Variants in CSMD1 observed in about 807,000 individuals in gnomAD.
CSMD1 encodes the protein CUB and Sushi multiple domains 1.
In CSMD1, 213 loss-of-function variants were observed where a neutral mutation model predicts 417.5. That is an observed-to-expected ratio of 0.51 (90% CI 0.46 to 0.57). The LOEUF is 0.57. CSMD1 is among the 20% of genes least tolerant of loss of function. CSMD1 has a pLI of 0.00. For synonymous variants in CSMD1, 2,862 were observed against 1,736.8 expected, an observed-to-expected ratio of 1.65 and a Z score of -16.11; for missense variants, 6,923 against 4,529.7, an observed-to-expected ratio of 1.53 and a Z score of -15.17.
chr8:4,255,511 G>A (rs1319129073), intron 3 of CSMD1, among the ~76,000 whole-genome samples: 2 of 152,212 alleles, frequency 1.3e-5, no homozygotes, highest in African/African-American at 4.8e-5. Flanking sequence ...TGCAATAGCA[G>A]TGGATTAACC....
At chr8:4,338,959 G>A (rs973985181) in intron 3 of CSMD1, among the ~76,000 whole-genome samples, 2 of 151,980 alleles carry the variant, frequency 1.3e-5, no homozygotes, top group East Asian at 1.9e-4. Flanking sequence ...CATAGGTCTG[G>A]GCATACAGTC....
At chr8:4,037,679 A>G (rs953846315) in intron 3 of CSMD1, among the ~76,000 whole-genome samples, 3 of 152,162 alleles carry the variant, frequency 2.0e-5, no homozygotes, top group Non-Finnish European at 4.4e-5. Context: ...TTGATTTTAA[A>G]GGGGAAGGTG....
intron 3 of CSMD1, among the ~76,000 whole-genome samples, chr8:4,132,241 A>C (rs1803155528): frequency 6.8e-6 from 1 of 147,198 alleles, no homozygotes; most frequent in South Asian, 2.1e-4. Context: ...CCCCTTTCTA[A>C]CATCTAGCAC....
At chr8:4,586,952 G>A (rs1318416603) in intron 2 of CSMD1, among the ~76,000 whole-genome samples, 1 of 152,182 alleles carries the variant, frequency 6.6e-6, no homozygotes, top group African/African-American at 2.4e-5. Flanking sequence ...AATCTGTACT[G>A]TGTAAGAGAG....
intron 11 of CSMD1, among the ~76,000 whole-genome samples, chr8:3,489,345 T>C (rs1818235735): frequency 6.6e-6 from 1 of 152,190 alleles, no homozygotes; most frequent in Non-Finnish European, 1.5e-5. Flanking sequence ...ATATTGACTA[T>C]TCATTCTCAT....
At position 4,994,585 on chromosome 8, in the gene CSMD1, T is replaced by G; in HGVS notation, c.-169A>C. ...CTGAAGGTCTGGGCGCCCGGCTCGC[T>G]TCCCTCTCATAGCATCGGGTCCCGA... On this transcript the variant is annotated 5_prime_UTR_variant, in exon 1 of 70. Transcript: ENST00000635120. The G allele has an allele frequency of 1.6e-6, 1 of 619,324 alleles. No individual in the cohort carries two copies. The highest frequency in any genetic ancestry group is 2.8e-5 in the East Asian group (1 of 35,158). 38.4% of individuals were successfully genotyped at this position (619,324 alleles called of 1,614,324 possible). A position where few individuals can be genotyped will look rare whatever the true frequency, so the allele number is the denominator to read the frequency against.
chr8:3,743,527 G>A lies in CSMD1; in HGVS notation c.931+10403C>T, dbSNP rs144976955. 9.5e-3 allele frequency among the ~76,000 whole-genome samples: 1,453 copies of A among 152,276 alleles called. 16 individuals carry two copies. Among genetic ancestry groups the A allele is most frequent in the South Asian group, 0.028 (133 of 4,820 alleles). ...AAAAAGAATAATGGAAAGAAACAAG[G>A]GTGGTTGCAGGGTGTGAAAGAAAAT... On this transcript the variant is annotated intron_variant, in intron 6 of 69. Coordinates refer to ENST00000635120, the MANE Select transcript of CSMD1 (RefSeq NM_033225.6).
At position 4,105,442 on chromosome 8, in the gene CSMD1, T is replaced by C. The variant is rs527586909; in HGVS notation, c.416-73343A>G. ...GAGCATGGACACTGGTTAAACTCAT[T>C]AATGATGTATTCATTCAGTAAATAA... On this transcript the variant is annotated intron_variant, in intron 3 of 69. Transcript: ENST00000635120. Among the ~76,000 whole-genome samples the C allele has an allele frequency of 1.6e-4, 24 of 152,328 alleles. No homozygotes were observed. The South Asian group carries it at 4.8e-3, about 30-fold the overall frequency.
chr8:3,081,483 CAAATAAAAATTTT>C (rs1814093465), intron 49 of CSMD1, among the ~76,000 whole-genome samples: 1 of 151,936 alleles, frequency 6.6e-6, no homozygotes, highest in Non-Finnish European at 1.5e-5. Context: ...TTACAGTTTT[CAAATAAAAATTTT>C]CAAATAAAAT....
At chr8:4,054,538 T>C (rs961662360) in intron 3 of CSMD1, among the ~76,000 whole-genome samples, 2 of 152,082 alleles carry the variant, frequency 1.3e-5, no homozygotes, top group Non-Finnish European at 2.9e-5. Context: ...TTATCAAACA[T>C]GCCTGAGATG....
In CSMD1 at chr8:3,025,158, G is replaced by A. The variant is rs555134186; in HGVS notation, c.7855+4161C>T. On this transcript the variant is annotated intron_variant, in intron 51 of 69. Coordinates refer to ENST00000635120, the MANE Select transcript of CSMD1 (RefSeq NM_033225.6). Reference sequence around the variant, plus strand: ...TTGTGTGGTGTTATTCTGAAACTGTGTATTGTGTGGTGTTATTCTGATACC... The same window carrying A: ...TTGTGTGGTGTTATTCTGAAACTGTATATTGTGTGGTGTTATTCTGATACC... Among the ~76,000 whole-genome samples, 20 of 150,022 alleles carry A rather than the reference G, an allele frequency of 1.3e-4. 1 individual carries two copies. The highest frequency in any genetic ancestry group is 4.5e-4 in the African/African-American group (18 of 39,948).
At chr8:3,363,626 C>T (rs1809348950) in intron 20 of CSMD1, among the ~76,000 whole-genome samples, 1 of 152,150 alleles carries the variant, frequency 6.6e-6, no homozygotes, top group African/African-American at 2.4e-5. Context: ...TTCCCGGGTT[C>T]ACTCCATTCT....
Position 4,184,425 on chromosome 8 carries a change from G to A in CSMD1, c.416-152326C>T, listed in dbSNP as rs116036486. Among the ~76,000 whole-genome samples the A allele has an allele frequency of 7.7e-3, 1,177 of 152,142 alleles. 14 individuals carry two copies. Among genetic ancestry groups the A allele is most frequent in the African/African-American group, 0.026 (1,092 of 41,498 alleles). ...TGGAGCATATGAGGATGTTCCTTGC[G>A]GCACTATTCACAATATCAAAGGCAT... On this transcript the variant is annotated intron_variant, in intron 3 of 69. Coordinates refer to ENST00000635120, the MANE Select transcript of CSMD1 (RefSeq NM_033225.6).
intron 1 of CSMD1, among the ~76,000 whole-genome samples, chr8:4,941,000 G>A (rs955245474): frequency 6.6e-6 from 1 of 151,572 alleles, no homozygotes; most frequent in Non-Finnish European, 1.5e-5. Flanking sequence ...TCAAGAAAGA[G>A]CGATTAATTT....
rs992153437 is a variant in CSMD1 at position 3,421,642 on chromosome 8, T to C, written c.1562-12037A>G. 2.6e-5 allele frequency among the ~76,000 whole-genome samples: 4 copies of C among 152,164 alleles called. No individual in the cohort carries two copies. The South Asian group carries it at 8.3e-4, about 32-fold the overall frequency. On this transcript the variant is annotated intron_variant, in intron 12 of 69. Transcript: ENST00000635120. ...CTAAATTATAAATTCTACAGATGTC[T>C]TTTTCTTTTTTTTGAGACAGTGTCT...
intron 56 of CSMD1, 34 bp from the exon 57 acceptor site, chr8:2,973,333 T>C (rs1277953991): frequency 1.9e-6 from 3 of 1,600,350 alleles, no homozygotes; most frequent in East Asian, 2.2e-5. Context: ...CAATCCACAA[T>C]TGTGTTAGAC....
intron 1 of CSMD1, among the ~76,000 whole-genome samples, chr8:4,964,592 A>ACTG (rs1809730557): frequency 6.6e-6 from 1 of 151,368 alleles, no homozygotes; most frequent in Admixed American, 6.6e-5. Context: ...GACAAGAAGG[A>ACTG]CTGGAGTTAA....
At chr8:4,821,605 C>T (rs1358717857) in intron 1 of CSMD1, among the ~76,000 whole-genome samples, 1 of 152,012 alleles carries the variant, frequency 6.6e-6, no homozygotes, top group Admixed American at 6.6e-5. Flanking sequence ...CTCATGCAGC[C>T]CTTCATATTC....
intron 17 of CSMD1, among the ~76,000 whole-genome samples, chr8:3,395,302 G>T (rs1017608116): frequency 1.3e-5 from 2 of 152,086 alleles, no homozygotes; most frequent in African/African-American, 4.8e-5. Flanking sequence ...AATAGTAATT[G>T]CCACTTTTTC....
Sources: allele counts gnomAD v4.1 joint callset (sites outside exome capture counted in the v4.1 genomes callset), GRCh38; gene constraint gnomAD v4.1.1; transcripts MANE v1.5; gene names NCBI Gene and HGNC (gene_info 2026-07-23, HGNC 2026-07-21).